Variants in BRIP1 observed in about 807,000 individuals in gnomAD.
BRIP1 encodes BRCA1 interacting DNA helicase 1.
BRIP1 carries 88 observed loss-of-function variants against 119.7 expected under a neutral mutation model. That is an observed-to-expected ratio of 0.74 (90% CI 0.62 to 0.88). The LOEUF (loss-of-function observed/expected upper bound fraction) is 0.88, where lower values mean the gene tolerates loss of function less well. Ranked by LOEUF, BRIP1 falls within the 40% of genes least tolerant of loss-of-function variation. BRIP1 has a pLI of 0.00. For synonymous variants in BRIP1, 443 were observed against 496.5 expected (o/e 0.89, Z 1.43); for missense variants, 1,259 against 1,455.4 (o/e 0.87, Z 2.20).
intron 14 of BRIP1, among the ~76,000 whole-genome samples, chr17:61,772,157 TTATATATATATATATATATATATATATA>T (rs71150699): frequency 0.33 from 25,728 of 77,124 alleles, 3,859 homozygotes; most frequent in Admixed American, 0.54. Flanking sequence ...AAATGTGAGA[TTATATATATATATATATATATATATATA>T]TATATATATA....
In BRIP1 at chr17:61,725,137, G is replaced by T. The variant is rs1170312057; in HGVS notation, c.2380-9074C>A. The stretch of plus-strand genomic sequence containing the variant: ...TTAACCAAATAGTGTGTGTGTGTGT[G>T]TGTGTGTGTATATACACTTTTTTTA... On this transcript the variant is annotated intron_variant, in intron 16 of 19. Coordinates refer to ENST00000259008, the MANE Select transcript of BRIP1 (RefSeq NM_032043.3). This position sits in a 1 kb window ranked among gnomAD's most constrained non-coding sequence, Gnocchi z 5.3. Among the ~76,000 whole-genome samples, 1 of 152,046 alleles carries T rather than the reference G, an allele frequency of 6.6e-6. No homozygotes were observed. Among genetic ancestry groups the T allele is most frequent in the Non-Finnish European group, 1.5e-5 (1 of 68,008 alleles).
Position 61,717,959 on chromosome 17 carries a change from T to C in BRIP1, c.2380-1896A>G, listed in dbSNP as rs181381220. ...CATCCAGTGTATTTTTTGTTTCATA[T>C]AGAGAGATTTCACATAGGTATTTAA... On this transcript the variant is annotated intron_variant, in intron 16 of 19. Transcript: ENST00000259008. The surrounding 1 kb of genome is among the most constrained non-coding windows in gnomAD (Gnocchi z 4.1). Among the ~76,000 whole-genome samples the C allele has an allele frequency of 4.6e-5, 7 of 152,288 alleles. No homozygotes were observed. Among genetic ancestry groups the C allele is most frequent in the Non-Finnish European group, 8.8e-5 (6 of 68,010 alleles).
chr17:61,826,490 C>G (rs917144083), intron 6 of BRIP1, among the ~76,000 whole-genome samples: 2 of 152,024 alleles, frequency 1.3e-5, no homozygotes, highest in Non-Finnish European at 2.9e-5. Context: ...TTTTTGCAAA[C>G]TATGCATCTG....
Position 61,808,533 on chromosome 17 carries a change from G to A in BRIP1, c.852C>T (p.Val284=), listed in dbSNP as rs144940449. 5.1e-5 allele frequency: 83 copies of A among 1,613,632 alleles called. No individual in the cohort carries two copies. In the African/African-American group the frequency reaches 1.0e-3, roughly 20 times the overall value. Residue 284 remains valine, a synonymous_variant, in exon 7 of 20, where the codon GTC becomes GTT. Coordinates refer to ENST00000259008, the MANE Select transcript of BRIP1 (RefSeq NM_032043.3). This position sits in a 1 kb window ranked among gnomAD's most constrained non-coding sequence, Gnocchi z 4.1. ...TILSSRDHTC[V]HPEVVGNFNR... is the part of the protein sequence containing the mutation. Reference sequence around the variant, plus strand: ...TGAAGTTACCGACTACCTCAGGATGGACACAAGTATGATCCCTGCTGGAAA... The same window carrying A: ...TGAAGTTACCGACTACCTCAGGATGAACACAAGTATGATCCCTGCTGGAAA...
Position 61,810,261 on chromosome 17 carries a change from G to C in BRIP1, c.628-1504C>G, listed in dbSNP as rs935201630. Among the ~76,000 whole-genome samples the C allele has an allele frequency of 4.6e-5, 7 of 152,114 alleles. No homozygotes were observed. Among genetic ancestry groups the C allele is most frequent in the Non-Finnish European group, 8.8e-5 (6 of 68,002 alleles). ...GATAAAAAGAAGAGTTATGAATGGG[G>C]CTCTTGTCAACAGTGAGGCAGGAAA... On this transcript the variant is annotated intron_variant, in intron 6 of 19. Transcript: ENST00000259008. This position sits in a 1 kb window ranked among gnomAD's most constrained non-coding sequence, Gnocchi z 4.7.
Position 61,827,386 on chromosome 17 carries a change from T to C in BRIP1, c.628-18629A>G, listed in dbSNP as rs1167963467. Among the ~76,000 whole-genome samples, 1 of 152,048 alleles carries C rather than the reference T, an allele frequency of 6.6e-6. No homozygotes were observed. Among genetic ancestry groups the C allele is most frequent in the Non-Finnish European group, 1.5e-5 (1 of 68,004 alleles). On this transcript the variant is annotated intron_variant, in intron 6 of 19. Coordinates refer to ENST00000259008, the MANE Select transcript of BRIP1 (RefSeq NM_032043.3). The surrounding 1 kb of genome is among the most constrained non-coding windows in gnomAD (Gnocchi z 5.8). ...AACCACTACCACACAAGTTTACCTA[T>C]ATAACAAACCTGAGCATGTACCCCT... is the stretch of plus-strand genomic sequence containing the variant.
chr17:61,811,358 C>T (rs909606430), intron 6 of BRIP1, among the ~76,000 whole-genome samples: 14 of 151,590 alleles, frequency 9.2e-5, no homozygotes, highest in African/African-American at 9.7e-5. Context: ...CAAGTAGCTG[C>T]GATTACAGGC....
rs7212340 is a variant in BRIP1, at chr17:61,738,680, G to C, written c.2379+4333C>G. On this transcript the variant is annotated intron_variant, in intron 16 of 19. Coordinates refer to ENST00000259008, the MANE Select transcript of BRIP1 (RefSeq NM_032043.3). The surrounding 1 kb of genome is among the most constrained non-coding windows in gnomAD (Gnocchi z 4.2). ...CAATGTTCAAAATCATAGCTGTTGA[G>C]GCAAAGGTGGAGAAAAGAGAAATGG... Among the ~76,000 whole-genome samples the C allele has an allele frequency of 0.069, 10,426 of 152,090 alleles. 557 individuals are homozygous for C. Among genetic ancestry groups the C allele is most frequent in the South Asian group, 0.26 (1,246 of 4,816 alleles).
chr17:61,737,497 G>T (rs1179391445), intron 16 of BRIP1, among the ~76,000 whole-genome samples: 1 of 152,106 alleles, frequency 6.6e-6, no homozygotes, highest in African/African-American at 2.4e-5. Context: ...TCCTAAATAT[G>T]ACACCAAAGC....
rs553134938 is a variant in BRIP1 at position 61,795,338 on chromosome 17, T to C, written c.1341-1609A>G. 4.6e-5 allele frequency among the ~76,000 whole-genome samples: 7 copies of C among 152,182 alleles called. No homozygotes were observed. Among genetic ancestry groups the C allele is most frequent in the African/African-American group, 1.7e-4 (7 of 41,540 alleles). On this transcript the variant is annotated intron_variant, in intron 9 of 19. Coordinates refer to ENST00000259008, the MANE Select transcript of BRIP1 (RefSeq NM_032043.3). The surrounding 1 kb of genome is among the most constrained non-coding windows in gnomAD (Gnocchi z 5.6). ...GCTATCAAATACTAGGCCTTATTCA[T>C]TCATTCTATTTTTCTTTTTTTTGTA...
chr17:61,852,692 C>T lies in BRIP1; in HGVS notation c.380-3436G>A, dbSNP rs2078839795. ...CAAATAAAAAACAAAAGAAAAATGG[C>T]AAACAACTTGATTAGGCAATTCACT... On this transcript the variant is annotated intron_variant, in intron 4 of 19. Transcript: ENST00000259008. The surrounding 1 kb of genome is among the most constrained non-coding windows in gnomAD (Gnocchi z 4.9). 6.6e-6 allele frequency among the ~76,000 whole-genome samples: 1 copy of T among 151,874 alleles called. No individual in the cohort carries two copies. The highest frequency in any genetic ancestry group is 1.5e-5 in the Non-Finnish European group (1 of 67,950).
At chr17:61,812,961 C>T (rs1343882213) in intron 6 of BRIP1, among the ~76,000 whole-genome samples, 1 of 152,138 alleles carries the variant, frequency 6.6e-6, no homozygotes, top group African/African-American at 2.4e-5. Flanking sequence ...TTTCTCCAAA[C>T]TTTCCCTACC....
At position 61,767,712 on chromosome 17, in the gene BRIP1, G is replaced by A. The variant is rs1250140069; in HGVS notation, c.2097+8689C>T. Among the ~76,000 whole-genome samples the A allele has an allele frequency of 6.6e-6, 1 of 152,124 alleles. No homozygotes were observed. The highest frequency in any genetic ancestry group is 1.5e-5 in the Non-Finnish European group (1 of 68,006). Reference sequence around the variant, plus strand: ...CCCAAAGTGCTGGGATTACAGGTGTGAGTCACCGCACCTGGCCCTTATCCT... The same window carrying A: ...CCCAAAGTGCTGGGATTACAGGTGTAAGTCACCGCACCTGGCCCTTATCCT... On this transcript the variant is annotated intron_variant, in intron 14 of 19. Coordinates refer to ENST00000259008, the MANE Select transcript of BRIP1 (RefSeq NM_032043.3). This position sits in a 1 kb window ranked among gnomAD's most constrained non-coding sequence, Gnocchi z 5.7.
intron 17 of BRIP1, among the ~76,000 whole-genome samples, chr17:61,707,828 A>T (rs574559352): frequency 6.6e-6 from 1 of 151,712 alleles, no homozygotes; most frequent in Non-Finnish European, 1.5e-5. Context: ...ACAGCCTCCA[A>T]TGTGTAGGAA....
chr17:61,696,779 A>C (rs2061528046), intron 17 of BRIP1, among the ~76,000 whole-genome samples: 1 of 151,050 alleles, frequency 6.6e-6, no homozygotes, highest in Non-Finnish European at 1.5e-5. Context: ...AGATCAGGAG[A>C]TCGATACCAT....
In BRIP1 at chr17:61,844,900, T is replaced by C. The variant is rs965787311; in HGVS notation, c.627+2201A>G. Among the ~76,000 whole-genome samples the C allele has an allele frequency of 6.6e-6, 1 of 152,232 alleles. No homozygotes were observed. Among genetic ancestry groups the C allele is most frequent in the African/African-American group, 2.4e-5 (1 of 41,456 alleles). On this transcript the variant is annotated intron_variant, in intron 6 of 19. Coordinates refer to ENST00000259008, the MANE Select transcript of BRIP1 (RefSeq NM_032043.3). The surrounding 1 kb of genome is among the most constrained non-coding windows in gnomAD (Gnocchi z 4.7). ...CATCTGTACGATGGGAATACCAATA[T>C]ACCTGCTTCATAATCATTGTAAGAA...
rs1471952560 is a variant in BRIP1, at chr17:61,758,760, G to A, written c.2098-14169C>T. ...AGCACTTTAGGAGGCTGAGGCAGAAGGATTGCTTGAGGCCAAAGGATTGCT... is the reference window on the plus strand; with the variant it reads ...AGCACTTTAGGAGGCTGAGGCAGAAAGATTGCTTGAGGCCAAAGGATTGCT... On this transcript the variant is annotated intron_variant, in intron 14 of 19. Coordinates refer to ENST00000259008, the MANE Select transcript of BRIP1 (RefSeq NM_032043.3). This position sits in a 1 kb window ranked among gnomAD's most constrained non-coding sequence, Gnocchi z 5.3. 3.3e-5 allele frequency among the ~76,000 whole-genome samples: 5 copies of A among 151,924 alleles called. No individual in the cohort carries two copies. The highest frequency in any genetic ancestry group is 1.2e-4 in the African/African-American group (5 of 41,364).
chr17:61,800,359 G>C (rs1316010386), intron 8 of BRIP1, among the ~76,000 whole-genome samples: 3 of 152,132 alleles, frequency 2.0e-5, no homozygotes, highest in African/African-American at 7.2e-5. Context: ...TAAAAGATAA[G>C]TAGGATTTGG....
intron 6 of BRIP1, among the ~76,000 whole-genome samples, chr17:61,818,084 C>T (rs2078263955): frequency 6.6e-6 from 1 of 150,814 alleles, no homozygotes; most frequent in African/African-American, 2.4e-5. Flanking sequence ...CAGGTGTGAT[C>T]TCTCACACCT....
Sources: gnomAD v4.1 joint callset for allele counts (sites outside exome capture counted in the v4.1 genomes callset) on GRCh38, gnomAD v4.1.1 for gene constraint, Gnocchi (gnomAD v3.1) non-coding constraint, MANE v1.5 for transcripts, NCBI Gene and HGNC (gene_info 2026-07-23, HGNC 2026-07-21) for gene names.